NOB1: variants seen among roughly 807,000 people sequenced by gnomAD.
NOB1 encodes RNA-binding protein NOB1.
A neutral mutation model predicts 44.8 loss-of-function variants in NOB1; 44 were observed. That is an observed-to-expected ratio of 0.98 (90% CI 0.77 to 1.26). The LOEUF is 1.26. Ranked by LOEUF, NOB1 falls within the 50% of genes most tolerant of loss-of-function variation. The pLI, the probability that NOB1 is intolerant of heterozygous loss-of-function variation, is 0.00. For missense variants in NOB1, 560 were observed against 544.8 expected (o/e 1.03, Z -0.28); for synonymous variants, 238 against 218.7 (o/e 1.09, Z -0.78).
chr16:69,754,803 G>T, intron 1 of NOB1, 45 bp downstream of exon 1: 1 of 1,609,484 alleles, frequency 6.2e-7, no homozygotes, highest in Non-Finnish European at 8.5e-7. Context: ...TCCGGGAGGG[G>T]CGGCCAGCCC....
chr16:69,745,101 CAGG>C lies in NOB1; in HGVS notation c.825-87_825-85del, dbSNP rs1284205677. 7 of 1,464,598 alleles carry C rather than the reference CAGG, an allele frequency of 4.8e-6. No individual in the cohort carries two copies. The African/African-American group carries it at 5.6e-5, about 12-fold the overall frequency. The allele number at this position is 1,464,598 out of a possible 1,614,324, so 90.7% of individuals were successfully genotyped here. On this transcript the variant is annotated intron_variant, in intron 7 of 8. Transcript: ENST00000268802. ...AGAGCACAAGGTGGGTCTCGGGCCT[CAGG>C]AGAAGAAACAGGGAAGGGCTGAACC...
At position 69,743,848 on chromosome 16, in the gene NOB1, C is replaced by T. The variant is rs528714250; in HGVS notation, c.969+1025G>A. On this transcript the variant is annotated intron_variant, in intron 8 of 8. Transcript: ENST00000268802. ...TGCAGATTACACACTGGTATCGCAG[C>T]GATGCTGATTTCTTGATTTTGATAA... Among the ~76,000 whole-genome samples the T allele has an allele frequency of 3.9e-5, 6 of 152,256 alleles. No homozygotes were observed. The East Asian group carries it at 9.6e-4, about 24-fold the overall frequency.
Position 69,748,248 on chromosome 16 carries a change from A to C in NOB1, c.808T>G (p.Cys270Gly), listed in dbSNP as rs759018028. The change falls in exon 7 of 9, where the codon TGC becomes GGC. Residue 270 changes from cysteine to glycine, a missense_variant. By Grantham distance (159) the Cys-to-Gly change is radical (BLOSUM62 -3). Coordinates refer to ENST00000268802, the MANE Select transcript of NOB1 (RefSeq NM_014062.3). ...IREARSYILRCHGCFKTTSDM... is the reference protein window; with the variant it reads ...IREARSYILRGHGCFKTTSDM... ...GCTACATACTTGAAACAGCCATGGC[A>C]GCGCAAGATGTAGCTCCGGGCCTCA... is the stretch of plus-strand genomic sequence containing the variant. 4.3e-6 allele frequency: 7 copies of C among 1,613,732 alleles called. No homozygotes were observed. The highest frequency in any genetic ancestry group is 5.1e-6 in the Non-Finnish European group (6 of 1,179,630).
chr16:69,745,836 A>G (rs1351263763), intron 7 of NOB1, among the ~76,000 whole-genome samples: 2 of 152,254 alleles, frequency 1.3e-5, no homozygotes, highest in Non-Finnish European at 2.9e-5. Flanking sequence ...TAAGCACCTC[A>G]TAACAAGTGT....
chr16:69,754,845 T>TA lies in NOB1; in HGVS notation c.63+2dup. On this transcript the variant is annotated splice_region_variant and intron_variant, in intron 1 of 8. Transcript: ENST00000268802. ...CTCTCGTCCCGGAGGGAGCTCCCCG[T>TA]ACCTGCAGAGCCGCATGCCGCAGGA... is the stretch of plus-strand genomic sequence containing the variant. The TA allele has an allele frequency of 6.2e-7, 1 of 1,602,824 alleles. No homozygotes were observed. Among genetic ancestry groups the TA allele is most frequent in the Non-Finnish European group, 8.5e-7 (1 of 1,175,630 alleles).
At chr16:69,747,825 A>G (rs183944125) in intron 7 of NOB1, among the ~76,000 whole-genome samples, 7 of 152,134 alleles carry the variant, frequency 4.6e-5, no homozygotes, top group African/African-American at 1.7e-4. Context: ...GAAGAAACAC[A>G]CATAATGTAG....
intron 8 of NOB1, among the ~76,000 whole-genome samples, 161 bp downstream of exon 8, chr16:69,744,712 G>A (rs2038414118): frequency 6.6e-6 from 1 of 152,208 alleles, no homozygotes; most frequent in Non-Finnish European, 1.5e-5. Context: ...CGCTTCTCAT[G>A]AGATGGCATC....
intron 8 of NOB1, among the ~76,000 whole-genome samples, chr16:69,743,119 G>A (rs1444073808): frequency 6.6e-6 from 1 of 152,100 alleles, no homozygotes; most frequent in African/African-American, 2.4e-5. Flanking sequence ...AAGAACACAG[G>A]CTCCCACTGG....
chr16:69,749,324 T>C lies in NOB1; in HGVS notation c.414A>G (p.Gln138=), dbSNP rs1474187663. 1.3e-6 allele frequency: 2 copies of C among 1,595,812 alleles called. No individual in the cohort carries two copies. The highest frequency in any genetic ancestry group is 3.7e-5 in the Admixed American group (2 of 53,638). ...FHLPYKPKPP[Q]ETEKGHSACE... ...AAGCTGAGTGTCCTTTTTCTGTTTC[T>C]TGTGGGGGTTTAGGCTGAAATTAAA... The change falls in exon 5 of 9, where the codon CAA becomes CAG. Residue 138 remains glutamine (Q), a synonymous_variant. Transcript: ENST00000268802.
intron 7 of NOB1, among the ~76,000 whole-genome samples, chr16:69,746,473 G>A (rs962335060): frequency 6.6e-6 from 1 of 152,240 alleles, no homozygotes; most frequent in Admixed American, 6.5e-5. Flanking sequence ...CAACTCAAGA[G>A]TCAGAAAAGC....
In NOB1 at chr16:69,742,062, T is replaced by G; in HGVS notation, c.*270A>C. 2.4e-6 allele frequency: 1 copy of G among 410,858 alleles called. No individual in the cohort carries two copies. Among genetic ancestry groups the G allele is most frequent in the South Asian group, 4.0e-5 (1 of 24,780 alleles). The allele number at this position is 410,858 out of a possible 1,614,324, so 25.5% of individuals were successfully genotyped here. A position where few individuals can be genotyped will look rare whatever the true frequency, so the allele number is the denominator to read the frequency against. On this transcript the variant is annotated 3_prime_UTR_variant, in exon 9 of 9. Coordinates refer to ENST00000268802, the MANE Select transcript of NOB1 (RefSeq NM_014062.3). ...AAAAATATTATCCTTTGGAAATTCC[T>G]TTCTTGAAGATTGGCTCCAGGGCGT...
chr16:69,748,133 C>A, intron 7 of NOB1, 99 bp downstream of exon 7: 1 of 866,134 alleles, frequency 1.2e-6, no homozygotes, highest in Non-Finnish European at 1.8e-6. Flanking sequence ...CCACTGCACT[C>A]CAGCCTAGGT....
intron 6 of NOB1, 111 bp from the exon 7 acceptor site, chr16:69,748,440 G>A (rs967750408): frequency 1.1e-5 from 11 of 972,198 alleles, no homozygotes; most frequent in African/African-American, 8.2e-5. Context: ...TGGCTTTTGC[G>A]AAGGAAACTC....
At chr16:69,745,442 C>T (rs1363010268) in intron 7 of NOB1, among the ~76,000 whole-genome samples, 1 of 152,208 alleles carries the variant, frequency 6.6e-6, no homozygotes, top group African/African-American at 2.4e-5. Flanking sequence ...GCTCCAGAAT[C>T]AATGCCCTTC....
Position 69,742,621 on chromosome 16 carries a change from G to C in NOB1, c.970-20C>G, listed in dbSNP as rs1198070930. 1 of 1,612,142 alleles carries C rather than the reference G, an allele frequency of 6.2e-7. No individual in the cohort carries two copies. The highest frequency in any genetic ancestry group is 1.1e-5 in the South Asian group (1 of 91,028). On this transcript the variant is annotated intron_variant, in intron 8 of 8. Coordinates refer to ENST00000268802, the MANE Select transcript of NOB1 (RefSeq NM_014062.3). ...CGAGTACTGGAAATAAGACAAGGAA[G>C]GGCCATTAGAAGAAGGGGAGCCACA...
intron 3 of NOB1, among the ~76,000 whole-genome samples, chr16:69,750,284 CA>C (rs1169443245): frequency 1.3e-5 from 2 of 151,942 alleles, no homozygotes; most frequent in African/African-American, 4.8e-5. Context: ...GGATTACACA[CA>C]GGAGCCACCG....
chr16:69,748,459 G>T (rs1194107845), intron 6 of NOB1, 130 bp from the exon 7 acceptor site: 5 of 761,578 alleles, frequency 6.6e-6, no homozygotes, highest in Non-Finnish European at 1.1e-5. Context: ...TCAGCCTGGG[G>T]AGGCCTCTCA....
intron 7 of NOB1, among the ~76,000 whole-genome samples, chr16:69,748,015 A>G (rs1389900275): frequency 1.3e-5 from 2 of 152,140 alleles, no homozygotes; most frequent in African/African-American, 4.8e-5. Context: ...CAGAAATTAA[A>G]TTAGTCGGGT....
chr16:69,754,811 C>G (rs2151755535), intron 1 of NOB1, 37 bp downstream of exon 1: 1 of 1,608,514 alleles, frequency 6.2e-7, no homozygotes, highest in Non-Finnish European at 8.5e-7. Flanking sequence ...GGGCGGCCAG[C>G]CCAGATCTCT....
Sources: allele counts gnomAD v4.1 joint callset (sites outside exome capture counted in the v4.1 genomes callset), GRCh38; gene constraint gnomAD v4.1.1; transcripts MANE v1.5; gene names NCBI Gene and HGNC (gene_info 2026-07-23, HGNC 2026-07-21).